The following SLC25A30 variants were observed in gnomAD, a reference collection of about 807,000 sequenced individuals.
SLC25A30 encodes solute carrier family 25 member 30.
A neutral mutation model predicts 42.7 loss-of-function variants in SLC25A30; 29 were observed. That is an observed-to-expected ratio of 0.68 (90% confidence interval 0.51 to 0.93). SLC25A30 has a LOEUF of 0.93. SLC25A30 is among the 40% of genes least tolerant of loss of function. The pLI is 0.00. For missense variants in SLC25A30, 300 were observed against 359.7 expected (o/e 0.83, Z 1.34); for synonymous variants, 124 against 131.0 (o/e 0.95, Z 0.37).
intron 7 of SLC25A30, among the ~76,000 whole-genome samples, 161 bp from the exon 8 acceptor site, chr13:45,399,239 T>C (rs1406865972): frequency 6.6e-6 from 1 of 152,212 alleles, no homozygotes; most frequent in Non-Finnish European, 1.5e-5. Context: ...GAAGTCTTGC[T>C]CTGTTGCCCA....
Position 45,395,450 on chromosome 13 carries a change from C to T in SLC25A30, c.*524G>A. ...TAAAGCAGTGTGATATTCCTAGGAT[C>T]CATTTCCTGCACCGTTTATACCTGG... On this transcript the variant is annotated 3_prime_UTR_variant, in exon 10 of 10. Coordinates refer to ENST00000519676, the MANE Select transcript of SLC25A30 (RefSeq NM_001010875.4). 1 of 988,716 alleles carries T rather than the reference C, an allele frequency of 1.0e-6. No individual in the cohort carries two copies. The highest frequency in any genetic ancestry group is 1.2e-6 in the Non-Finnish European group (1 of 831,766). The allele number at this position is 988,716 out of a possible 1,614,324, so 61.2% of individuals were successfully genotyped here. A position where few individuals can be genotyped will look rare whatever the true frequency, so the allele number is the denominator to read the frequency against.
At chr13:45,430,399 C>A in the SLC25A30 span, among the ~76,000 whole-genome samples, 1 of 152,070 alleles carries the variant, frequency 6.6e-6, no homozygotes, top group Non-Finnish European at 1.5e-5. Context: ...ACAGAAGAAG[C>A]AACTGAAAGA....
upstream of SLC25A30, among the ~76,000 whole-genome samples, chr13:45,422,537 C>T (rs989193998): frequency 6.6e-6 from 1 of 152,024 alleles, no homozygotes; most frequent in African/African-American, 2.4e-5. Context: ...AGATTTTGCC[C>T]TCCAGGAGAA....
chr13:45,394,999 A>G lies in SLC25A30; in HGVS notation c.*975T>C, dbSNP rs1881205615. 1.0e-6 allele frequency: 1 copy of G among 985,454 alleles called. No individual in the cohort carries two copies. Among genetic ancestry groups the G allele is most frequent in the Non-Finnish European group, 1.2e-6 (1 of 829,938 alleles). 61.0% of individuals were successfully genotyped at this position (985,454 alleles called of 1,614,324 possible). A position where few individuals can be genotyped will look rare whatever the true frequency, so the allele number is the denominator to read the frequency against. On this transcript the variant is annotated 3_prime_UTR_variant, in exon 10 of 10. Transcript: ENST00000519676. ...TCTTTCTTCAACAAGACCTTAACAA[A>G]GGGCTTCATTCACAATTACCATGAG... is the stretch of plus-strand genomic sequence containing the variant.
At chr13:45,426,473 T>TA in the SLC25A30 span, among the ~76,000 whole-genome samples, 10 of 152,134 alleles carry the variant, frequency 6.6e-5, no homozygotes, top group Non-Finnish European at 1.2e-4. Flanking sequence ...CCCTAAAGAG[T>TA]AAAATCTTCA....
At chr13:45,424,410 T>TATATAAAAATATATAAACATATAAAA in the SLC25A30 span, among the ~76,000 whole-genome samples, 2 of 63,396 alleles carry the variant, frequency 3.2e-5, no homozygotes, top group African/African-American at 1.3e-4. Flanking sequence ...TATATAAAAA[T>TATATAAAAATATATAAACATATAAAA]ATATATAAAT....
chr13:45,397,952 C>A, intron 8 of SLC25A30: 3 of 985,478 alleles, frequency 3.0e-6, no homozygotes, highest in Non-Finnish European at 3.6e-6. Context: ...GGCTCCTGAA[C>A]AGGTCACAAA....
the SLC25A30 span, among the ~76,000 whole-genome samples, chr13:45,429,855 A>C: frequency 1.3e-4 from 19 of 151,786 alleles, no homozygotes; most frequent in Admixed American, 3.9e-4. Context: ...AAACAAAAAC[A>C]AAAAAACAGA....
At chr13:45,407,373 A>T (rs1271364773) in intron 3 of SLC25A30, among the ~76,000 whole-genome samples, 1 of 147,366 alleles carries the variant, frequency 6.8e-6, no homozygotes, top group Admixed American at 6.8e-5. Context: ...AACGCCATCT[A>T]AAAAAAAAAA....
At chr13:45,426,332 G>A in the SLC25A30 span, among the ~76,000 whole-genome samples, 1 of 151,922 alleles carries the variant, frequency 6.6e-6, no homozygotes, top group Non-Finnish European at 1.5e-5. Flanking sequence ...TGATCCACCC[G>A]CCCTGGCCTT....
upstream of SLC25A30, among the ~76,000 whole-genome samples, chr13:45,423,451 G>A (rs1452033539): frequency 3.5e-5 from 5 of 141,340 alleles, no homozygotes; most frequent in East Asian, 1.0e-3. Context: ...GCAAATTATG[G>A]TCCATGGACC....
At chr13:45,424,829 T>TATATATAC in the SLC25A30 span, among the ~76,000 whole-genome samples, 7 of 52,366 alleles carry the variant, frequency 1.3e-4, no homozygotes, top group African/African-American at 5.9e-4. Flanking sequence ...TATATAAAAA[T>TATATATAC]ATATATATAA....
At chr13:45,429,357 C>T in the SLC25A30 span, among the ~76,000 whole-genome samples, 9 of 152,066 alleles carry the variant, frequency 5.9e-5, no homozygotes, top group African/African-American at 2.2e-4. Flanking sequence ...GCATGAGCCA[C>T]CACACCCGAC....
Position 45,398,990 on chromosome 13 carries a change from G to A in SLC25A30, c.703C>T (p.Arg235Ter), listed in dbSNP as rs202023270. The A allele has an allele frequency of 2.9e-5, 47 of 1,613,884 alleles. No homozygotes were observed. The highest frequency in any genetic ancestry group is 2.7e-4 in the East Asian group (12 of 44,880). The stretch of plus-strand genomic sequence containing the variant: ...GTGTAGCCAGAACATCTGCCATCTC[G>A]AAGCACTCTCTGATTCATCATACGT... ...RTRMMNQRVL[R>*]DGRCSGYTGT... The change falls in exon 8 of 10, where the codon CGA becomes TGA. Residue 235 changes from arginine (R) to a stop codon, truncating the protein, a stop_gained. Coordinates refer to ENST00000519676, the MANE Select transcript of SLC25A30 (RefSeq NM_001010875.4). LOFTEE classifies it high-confidence loss of function.
intron 1 of SLC25A30, among the ~76,000 whole-genome samples, chr13:45,414,542 G>A (rs1477440446): frequency 2.0e-5 from 3 of 151,978 alleles, no homozygotes; most frequent in African/African-American, 4.8e-5. Flanking sequence ...GCTTGAAACC[G>A]GGAGGCGGAA....
In SLC25A30 at chr13:45,416,907, T is replaced by C. The variant is rs1472655657; in HGVS notation, c.-56+1393A>G. Among the ~76,000 whole-genome samples the C allele has an allele frequency of 2.0e-4, 31 of 152,244 alleles. 1 individual carries two copies. Among genetic ancestry groups the C allele is most frequent in the Admixed American group, 2.0e-3 (31 of 15,292 alleles). Reference sequence around the variant, plus strand: ...CCTGTCTACATTTTCTCTTACATGGTTGCTTAGTATTTATTTTCACCCACC... The same window carrying C: ...CCTGTCTACATTTTCTCTTACATGGCTGCTTAGTATTTATTTTCACCCACC... On this transcript the variant is annotated intron_variant, in intron 1 of 9. Transcript: ENST00000519676.
chr13:45,407,139 T>C (rs1566208420), intron 3 of SLC25A30, among the ~76,000 whole-genome samples: 2 of 152,180 alleles, frequency 1.3e-5, no homozygotes, highest in Non-Finnish European at 2.9e-5. Flanking sequence ...GGCTCACACC[T>C]GTAATCCCAG....
the SLC25A30 span, among the ~76,000 whole-genome samples, chr13:45,434,011 C>T: frequency 6.6e-6 from 1 of 152,148 alleles, no homozygotes; most frequent in Non-Finnish European, 1.5e-5. Flanking sequence ...GTAATCCCAG[C>T]ACTTTGGGAG....
At chr13:45,424,427 A>C in the SLC25A30 span, among the ~76,000 whole-genome samples, 1 of 57,414 alleles carries the variant, frequency 1.7e-5, no homozygotes, top group Non-Finnish European at 3.1e-5. Context: ...AAATATATGA[A>C]TATATATATA....
Sources: allele counts gnomAD v4.1 joint callset (sites outside exome capture counted in the v4.1 genomes callset), GRCh38; gene constraint gnomAD v4.1.1; transcripts MANE v1.5; gene names NCBI Gene and HGNC (gene_info 2026-07-23, HGNC 2026-07-21).